The following CTNNA3 variants were observed in gnomAD, a reference collection of about 807,000 sequenced individuals.
CTNNA3 encodes catenin alpha-3.
In CTNNA3, 76 loss-of-function variants were observed where a neutral mutation model predicts 95.7. The observed-to-expected ratio is 0.79, with a 90% confidence interval of 0.66 to 0.96. The LOEUF is 0.96. CTNNA3 is among the 40% of genes least tolerant of loss of function. CTNNA3 has a pLI of 0.00. For synonymous variants in CTNNA3, 431 were observed against 374.4 expected (o/e 1.15, Z -1.74); for missense variants, 1,191 against 1,089.8 (o/e 1.09, Z -1.31).
intron 9 of CTNNA3, among the ~76,000 whole-genome samples, chr10:66,734,889 G>A (rs1225943655): frequency 3.9e-4 from 53 of 136,514 alleles, no homozygotes; most frequent in East Asian, 1.1e-3. Flanking sequence ...AAAAAAAAAA[G>A]AAATTTTATT....
chr10:66,744,761 T>C (rs755286324), intron 9 of CTNNA3, among the ~76,000 whole-genome samples: 19 of 152,158 alleles, frequency 1.2e-4, no homozygotes, highest in Non-Finnish European at 1.9e-4. Flanking sequence ...CCAAATGGCA[T>C]AGAGAAAAAT....
At chr10:67,549,165 C>A (rs74388319) in intron 3 of CTNNA3, among the ~76,000 whole-genome samples, 3,092 of 148,720 alleles carry the variant, frequency 0.021, 133 homozygotes, top group African/African-American at 0.072. Flanking sequence ...CAGAGGGGAC[C>A]AAAAAAAAAT....
chr10:67,222,339 T>G (rs949273207), intron 5 of CTNNA3, among the ~76,000 whole-genome samples: 1 of 152,132 alleles, frequency 6.6e-6, no homozygotes, highest in African/African-American at 2.4e-5. Flanking sequence ...TGGTCTGGGT[T>G]TTAGTTTTAG....
intron 10 of CTNNA3, among the ~76,000 whole-genome samples, chr10:66,594,513 G>A (rs77813534): frequency 0.048 from 7,334 of 152,096 alleles, 588 homozygotes; most frequent in East Asian, 0.26. Context: ...CCCTACTCAA[G>A]TCTGCATCTC....
intron 5 of CTNNA3, among the ~76,000 whole-genome samples, chr10:67,480,210 AGAAGG>A (rs1848168149): frequency 6.6e-6 from 1 of 152,194 alleles, no homozygotes; most frequent in Non-Finnish European, 1.5e-5. Flanking sequence ...AAAACTGAGG[AGAAGG>A]GATAGGACTC....
At chr10:66,863,655 G>A (rs1487943466) in intron 7 of CTNNA3, among the ~76,000 whole-genome samples, 1 of 152,098 alleles carries the variant, frequency 6.6e-6, no homozygotes, top group Non-Finnish European at 1.5e-5. Context: ...GATTTGCAGG[G>A]CTAATTTGAA....
chr10:66,761,030 G>C (rs1317874811), intron 9 of CTNNA3, among the ~76,000 whole-genome samples: 1 of 152,128 alleles, frequency 6.6e-6, no homozygotes, highest in Non-Finnish European at 1.5e-5. Flanking sequence ...GACTGGAAAA[G>C]CTGTATTTAT....
chr10:66,331,112 T>C (rs2092321953), intron 12 of CTNNA3, among the ~76,000 whole-genome samples: 1 of 151,952 alleles, frequency 6.6e-6, no homozygotes, highest in Non-Finnish European at 1.5e-5. Flanking sequence ...TGCCATTGCT[T>C]TTGGTGTCTT....
chr10:66,510,229 T>C (rs1217161361), intron 11 of CTNNA3, among the ~76,000 whole-genome samples: 5 of 151,972 alleles, frequency 3.3e-5, no homozygotes, highest in Admixed American at 3.3e-4. Flanking sequence ...ATTATTTTTG[T>C]ATGTTGATTT....
At chr10:67,212,102 T>C (rs745607180) in intron 6 of CTNNA3, among the ~76,000 whole-genome samples, 12 of 152,052 alleles carry the variant, frequency 7.9e-5, no homozygotes, top group Non-Finnish European at 8.8e-5. Flanking sequence ...GTAGCACTTA[T>C]TCTCAGATTT....
intron 12 of CTNNA3, among the ~76,000 whole-genome samples, chr10:66,373,432 T>C (rs1589155197): frequency 6.6e-6 from 1 of 152,218 alleles, no homozygotes; most frequent in Admixed American, 6.5e-5. Context: ...CCCACACTCC[T>C]ATGGGAACAG....
chr10:67,127,911 C>T (rs1428352943), intron 7 of CTNNA3, among the ~76,000 whole-genome samples: 1 of 151,924 alleles, frequency 6.6e-6, no homozygotes, highest in Non-Finnish European at 1.5e-5. Context: ...TGCACATGTA[C>T]ATGCATGTGT....
In CTNNA3 at chr10:67,122,101, T is replaced by C. The variant is rs532383749; in HGVS notation, c.1047+58216A>G. Among the ~76,000 whole-genome samples, 4 of 150,616 alleles carry C rather than the reference T, an allele frequency of 2.7e-5. No individual in the cohort carries two copies. The South Asian group carries it at 8.4e-4, about 32-fold the overall frequency. The stretch of plus-strand genomic sequence containing the variant: ...GAGATTCAGTTGGGATGAGGATGAG[T>C]TCTAGACTGTCAATTAAGAGACCAG... On this transcript the variant is annotated intron_variant, in intron 7 of 17. Transcript: ENST00000433211.
At chr10:66,252,640 T>G (rs1448949760) in intron 13 of CTNNA3, among the ~76,000 whole-genome samples, 1 of 152,318 alleles carries the variant, frequency 6.6e-6, no homozygotes, top group East Asian at 1.9e-4. Context: ...AGAAAATTCT[T>G]GCAGAAGAAA....
chr10:67,097,623 T>G, intron 7 of CTNNA3: 1 of 1,612,546 alleles, frequency 6.2e-7, no homozygotes, highest in Non-Finnish European at 8.5e-7. Context: ...CTTTCTGGCA[T>G]ACGACCAGCC....
chr10:67,346,650 A>G (rs942402417), intron 5 of CTNNA3: 10 of 498,466 alleles, frequency 2.0e-5, no homozygotes, highest in East Asian at 5.6e-5. Flanking sequence ...ACTTCTAGTT[A>G]TAAGTGAGTT....
chr10:67,058,164 G>A (rs1051171876), intron 7 of CTNNA3, among the ~76,000 whole-genome samples: 1 of 152,054 alleles, frequency 6.6e-6, no homozygotes, highest in African/African-American at 2.4e-5. Context: ...ATAATCTTAG[G>A]AAATTATTTT....
At chr10:67,599,923 A>G (rs1241500009) in intron 3 of CTNNA3, among the ~76,000 whole-genome samples, 3 of 152,134 alleles carry the variant, frequency 2.0e-5, no homozygotes, top group Non-Finnish European at 4.4e-5. Context: ...ATAACCTAAT[A>G]AAAATAATTT....
intron 6 of CTNNA3, among the ~76,000 whole-genome samples, chr10:67,215,410 T>C (rs1357837373): frequency 1.3e-5 from 2 of 152,184 alleles, no homozygotes; most frequent in African/African-American, 4.8e-5. Flanking sequence ...GTGTGTCTTG[T>C]GAAAACCATC....
Sources: allele counts gnomAD v4.1 joint callset (sites outside exome capture counted in the v4.1 genomes callset), GRCh38; gene constraint gnomAD v4.1.1; transcripts MANE v1.5; gene names NCBI Gene and HGNC (gene_info 2026-07-23, HGNC 2026-07-21).